OXCT1: variants seen among roughly 807,000 people sequenced by gnomAD.
OXCT1 encodes the protein 3-oxoacid CoA-transferase 1, also known as succinyl-CoA:3-ketoacid coenzyme A transferase 1, mitochondrial.
A neutral mutation model predicts 69.6 loss-of-function variants in OXCT1; 27 were observed. The ratio of observed to expected loss-of-function variants is 0.39; its 90% CI spans 0.29 to 0.54. The LOEUF is 0.54. OXCT1 is among the 20% of genes least tolerant of loss of function. The pLI, the probability that OXCT1 is intolerant of heterozygous loss-of-function variation, is 0.72. For synonymous variants in OXCT1, 202 were observed against 217.8 expected (o/e 0.93, Z 0.64); for missense variants, 437 against 650.2 (o/e 0.67, Z 3.57).
intron 13 of OXCT1, among the ~76,000 whole-genome samples, chr5:41,783,979 C>T (rs1745531681): frequency 6.6e-6 from 1 of 152,168 alleles, no homozygotes; most frequent in African/African-American, 2.4e-5. Context: ...ATTCTCATAT[C>T]CTTTTGCTTC....
chr5:41,811,669 T>C (rs1409241592), intron 7 of OXCT1, among the ~76,000 whole-genome samples: 5 of 151,984 alleles, frequency 3.3e-5, no homozygotes, highest in African/African-American at 1.2e-4. Flanking sequence ...TAGATGTCTA[T>C]AAGGAAATGC....
At chr5:41,825,495 A>G (rs1747761322) in intron 7 of OXCT1, among the ~76,000 whole-genome samples, 1 of 152,244 alleles carries the variant, frequency 6.6e-6, no homozygotes, top group Non-Finnish European at 1.5e-5. Context: ...TCATAATTCT[A>G]TAAAAATTCA....
chr5:41,750,298 A>T (rs1207370578), intron 14 of OXCT1, among the ~76,000 whole-genome samples: 1 of 152,000 alleles, frequency 6.6e-6, no homozygotes, highest in South Asian at 2.1e-4. Flanking sequence ...AGACTTAAGA[A>T]AAACTAAAAG....
chr5:41,868,343 A>T (rs529048002), intron 1 of OXCT1, among the ~76,000 whole-genome samples: 1 of 152,336 alleles, frequency 6.6e-6, no homozygotes, highest in South Asian at 2.1e-4. Context: ...GGTCTCTGCC[A>T]TCGGGGAACT....
intron 5 of OXCT1, among the ~76,000 whole-genome samples, chr5:41,846,175 C>T (rs915234168): frequency 6.6e-6 from 1 of 151,332 alleles, no homozygotes; most frequent in Non-Finnish European, 1.5e-5. Flanking sequence ...TACATGTGCA[C>T]AATGTGCAGG....
rs1579761910 is a variant in OXCT1 at position 41,799,525 on chromosome 5, T to A, written c.1099+1497A>T. Among the ~76,000 whole-genome samples, 2 of 152,344 alleles carry A rather than the reference T, an allele frequency of 1.3e-5. 1 individual carries two copies. Among genetic ancestry groups the A allele is most frequent in the African/African-American group, 4.8e-5 (2 of 41,596 alleles). On this transcript the variant is annotated intron_variant, in intron 11 of 16. Transcript: ENST00000196371. ...TTTGGACTGAGCTACTTCTAAGCTC[T>A]ATGGAATCAGAAACACCTACTGTCC...
chr5:41,797,953 T>C (rs1254067820), intron 11 of OXCT1, among the ~76,000 whole-genome samples: 1 of 152,164 alleles, frequency 6.6e-6, no homozygotes, highest in African/African-American at 2.4e-5. Context: ...CAAAATGTGA[T>C]ATGCTTCTCA....
At chr5:41,754,783 A>G (rs903740719) in intron 14 of OXCT1, among the ~76,000 whole-genome samples, 21 of 152,180 alleles carry the variant, frequency 1.4e-4, no homozygotes, top group African/African-American at 5.1e-4. Flanking sequence ...ATTTGCTATT[A>G]CAAATGATAT....
chr5:41,743,944 T>G (rs1485218493), intron 15 of OXCT1, among the ~76,000 whole-genome samples: 3 of 152,048 alleles, frequency 2.0e-5, no homozygotes, highest in African/African-American at 4.8e-5. Flanking sequence ...TTTAGCTTAG[T>G]ATTGACTTGG....
intron 13 of OXCT1, among the ~76,000 whole-genome samples, chr5:41,784,431 A>T (rs1745553246): frequency 6.6e-6 from 1 of 152,242 alleles, no homozygotes; most frequent in Non-Finnish European, 1.5e-5. Flanking sequence ...TGTACTCAAC[A>T]TATATCCTTC....
chr5:41,819,726 TG>T (rs199734910), intron 7 of OXCT1, among the ~76,000 whole-genome samples: 1,695 of 152,030 alleles, frequency 0.011, 29 homozygotes, highest in Middle Eastern at 0.034. Flanking sequence ...AATTATTTTG[TG>T]AGAAATCATG....
chr5:41,756,168 C>A (rs1418446187), intron 14 of OXCT1, among the ~76,000 whole-genome samples: 1 of 152,032 alleles, frequency 6.6e-6, no homozygotes, highest in African/African-American at 2.4e-5. Flanking sequence ...AAAATCTAAA[C>A]CTGTTTTAGT....
chr5:41,732,499 C>T (rs1321564861), intron 16 of OXCT1, among the ~76,000 whole-genome samples: 4 of 152,128 alleles, frequency 2.6e-5, no homozygotes, highest in African/African-American at 4.8e-5. Context: ...GTCAGTTTAA[C>T]TGAGACAGAT....
chr5:41,784,668 T>C (rs948399986), intron 13 of OXCT1, among the ~76,000 whole-genome samples: 2 of 152,238 alleles, frequency 1.3e-5, no homozygotes, highest in African/African-American at 4.8e-5. Flanking sequence ...GTTAACTCCC[T>C]TGGCCTGAAT....
intron 13 of OXCT1, among the ~76,000 whole-genome samples, chr5:41,774,042 A>T (rs900801223): frequency 1.3e-5 from 2 of 152,212 alleles, no homozygotes; most frequent in Admixed American, 6.5e-5. Flanking sequence ...TATATGACAG[A>T]TATGACCTCA....
intron 13 of OXCT1, among the ~76,000 whole-genome samples, chr5:41,785,561 A>G (rs1745601628): frequency 6.6e-6 from 1 of 152,184 alleles, no homozygotes; most frequent in Non-Finnish European, 1.5e-5. Flanking sequence ...AATAGGGAGG[A>G]TTAATGGCAA....
In OXCT1 at chr5:41,870,408, G is replaced by T; in HGVS notation, c.-50C>A. ...GCTGCGGGTTGGAGCGCGCGTTTGAGCGTCGGTGCGCGACTGCGAAGGAAA... is the reference window on the plus strand; with the variant it reads ...GCTGCGGGTTGGAGCGCGCGTTTGATCGTCGGTGCGCGACTGCGAAGGAAA... On this transcript the variant is annotated 5_prime_UTR_variant, in exon 1 of 17. Transcript: ENST00000196371. The surrounding 1 kb of genome is among the most constrained non-coding windows in gnomAD (Gnocchi z 4.2). The T allele has an allele frequency of 7.2e-7, 1 of 1,391,180 alleles. No individual in the cohort carries two copies. The highest frequency in any genetic ancestry group is 1.0e-6 in the Non-Finnish European group (1 of 986,798). The allele number at this position is 1,391,180 out of a possible 1,614,324, so 86.2% of individuals were successfully genotyped here. A position where few individuals can be genotyped will look rare whatever the true frequency, so the allele number is the denominator to read the frequency against.
At chr5:41,754,680 G>A (rs1480830313) in intron 14 of OXCT1, among the ~76,000 whole-genome samples, 3 of 152,118 alleles carry the variant, frequency 2.0e-5, no homozygotes, top group African/African-American at 7.2e-5. Flanking sequence ...CATGGGATAT[G>A]ATTGACCTTT....
intron 5 of OXCT1, among the ~76,000 whole-genome samples, chr5:41,845,584 A>G (rs1748858081): frequency 6.6e-6 from 1 of 152,170 alleles, no homozygotes; most frequent in Admixed American, 6.6e-5. Flanking sequence ...AAAAGTACTA[A>G]GAATTAAGAA....
Sources: gnomAD v4.1 joint callset for allele counts (sites outside exome capture counted in the v4.1 genomes callset) on GRCh38, gnomAD v4.1.1 for gene constraint, Gnocchi (gnomAD v3.1) non-coding constraint, MANE v1.5 for transcripts, NCBI Gene and HGNC (gene_info 2026-07-23, HGNC 2026-07-21) for gene names.